Variants in RBMS1 observed in about 807,000 individuals in gnomAD.
The protein encoded by RBMS1 is RNA-binding motif, single-stranded-interacting protein 1.
Under a neutral mutation model 62.3 loss-of-function variants are expected in RBMS1, and 17 were observed. That is an observed-to-expected ratio of 0.27 (90% CI 0.19 to 0.41). The LOEUF (loss-of-function observed/expected upper bound fraction) is 0.41. Ranked by LOEUF, RBMS1 falls within the 10% of genes least tolerant of loss-of-function variation. The probability of loss-of-function intolerance (pLI) is 1.00; values close to 1 mark genes in which losing one functional copy is unlikely to be tolerated. For synonymous variants in RBMS1, 172 were observed against 170.0 expected (o/e 1.01, Z -0.09); for missense variants, 334 against 504.5 (o/e 0.66, Z 3.24).
intron 7 of RBMS1, among the ~76,000 whole-genome samples, chr2:160,286,024 T>C (rs1358202883): frequency 1.3e-5 from 2 of 151,858 alleles, no homozygotes; most frequent in Non-Finnish European, 2.9e-5. Flanking sequence ...GGCAGGAGAA[T>C]GGCATGAACC....
At chr2:160,469,723 T>C (rs890989587) in intron 1 of RBMS1, among the ~76,000 whole-genome samples, 2 of 152,158 alleles carry the variant, frequency 1.3e-5, no homozygotes, top group Non-Finnish European at 2.9e-5. Context: ...TCTGGGGAAG[T>C]ACCCAAAGAG....
At chr2:160,309,302 C>T (rs1277300458) in intron 4 of RBMS1, among the ~76,000 whole-genome samples, 2 of 152,104 alleles carry the variant, frequency 1.3e-5, no homozygotes, top group African/African-American at 2.4e-5. Flanking sequence ...TCAGGGAGCT[C>T]GATCTGTGTC....
chr2:160,283,370 A>C (rs1688200036), intron 9 of RBMS1: 1 of 152,228 alleles, frequency 6.6e-6, no homozygotes, highest in Non-Finnish European at 1.5e-5. Flanking sequence ...CAGTCAAAGA[A>C]AGGATAGGAA....
chr2:160,294,546 T>G (rs1280765281), intron 6 of RBMS1, among the ~76,000 whole-genome samples: 4 of 152,214 alleles, frequency 2.6e-5, no homozygotes, highest in Admixed American at 2.6e-4. Flanking sequence ...AGAGACTTCC[T>G]TAAGAGTGTC....
At chr2:160,472,224 T>C (rs545883714) in intron 1 of RBMS1, among the ~76,000 whole-genome samples, 2 of 152,156 alleles carry the variant, frequency 1.3e-5, no homozygotes, top group African/African-American at 4.8e-5. Flanking sequence ...GTAAACTATT[T>C]CTCAGAATTA....
intron 1 of RBMS1, among the ~76,000 whole-genome samples, chr2:160,485,556 T>C (rs1375787560): frequency 6.6e-6 from 1 of 152,210 alleles, no homozygotes; most frequent in Admixed American, 6.5e-5. Flanking sequence ...ATTTATGAAA[T>C]GAATTTCAAG....
In RBMS1 at chr2:160,438,896, C is replaced by T. The variant is rs867569953; in HGVS notation, c.75+54393G>A. On this transcript the variant is annotated intron_variant, in intron 1 of 13. Transcript: ENST00000348849. The stretch of plus-strand genomic sequence containing the variant: ...GGCTGGCCGGACGGGGGGCTGACTC[C>T]CCCCACCTCCCTCCTGGACGGGGCG... Among the ~76,000 whole-genome samples the T allele has an allele frequency of 2.3e-4, 34 of 150,364 alleles. 2 individuals carry two copies. The Middle Eastern group carries it at 0.025, about 109-fold the overall frequency.
chr2:160,372,976 C>T (rs1693805219), intron 1 of RBMS1, among the ~76,000 whole-genome samples: 1 of 152,090 alleles, frequency 6.6e-6, no homozygotes, highest in Non-Finnish European at 1.5e-5. Context: ...AGGAAATAAT[C>T]AATTAATCCC....
intron 1 of RBMS1, among the ~76,000 whole-genome samples, chr2:160,426,308 AGG>A: frequency 5.2e-5 from 4 of 77,144 alleles, no homozygotes; most frequent in Non-Finnish European, 6.4e-5. Context: ...GAAGGAAGGA[AGG>A]AAGGAAGGAA....
At chr2:160,340,711 C>T (rs1487211606) in intron 2 of RBMS1, among the ~76,000 whole-genome samples, 2 of 152,142 alleles carry the variant, frequency 1.3e-5, no homozygotes, top group Non-Finnish European at 2.9e-5. Flanking sequence ...CTTCCTGAGT[C>T]TAAAGCTAAA....
chr2:160,480,868 C>T (rs1685337693), intron 1 of RBMS1, among the ~76,000 whole-genome samples: 1 of 151,930 alleles, frequency 6.6e-6, no homozygotes, highest in Admixed American at 6.6e-5. Flanking sequence ...CACCTGGGGC[C>T]AGGAGTTCAA....
chr2:160,482,258 C>A (rs530969391), intron 1 of RBMS1, among the ~76,000 whole-genome samples: 1 of 152,112 alleles, frequency 6.6e-6, no homozygotes, highest in African/African-American at 2.4e-5. Context: ...AGAATGGATA[C>A]AACCAACCAA....
chr2:160,399,507 C>T (rs1331780963), intron 1 of RBMS1, among the ~76,000 whole-genome samples: 1 of 138,530 alleles, frequency 7.2e-6, no homozygotes, highest in Non-Finnish European at 1.6e-5. Context: ...CAGTTTACTT[C>T]GCAAAGATTC....
intron 1 of RBMS1, among the ~76,000 whole-genome samples, chr2:160,446,414 T>C (rs377617493): frequency 6.6e-6 from 1 of 152,230 alleles, no homozygotes; most frequent in South Asian, 2.1e-4. Context: ...TCTACCTGTT[T>C]GTTCTAACTC....
intron 2 of RBMS1, among the ~76,000 whole-genome samples, chr2:160,352,815 C>T (rs1006239368): frequency 6.6e-6 from 1 of 152,058 alleles, no homozygotes; most frequent in East Asian, 1.9e-4. Context: ...AAGTGCCTAC[C>T]GCGTTGCATC....
intron 2 of RBMS1, among the ~76,000 whole-genome samples, chr2:160,331,684 T>C (rs996599696): frequency 6.6e-6 from 1 of 152,232 alleles, no homozygotes; most frequent in African/African-American, 2.4e-5. Flanking sequence ...CCTGGTCTTC[T>C]GAGCTCTTTC....
At chr2:160,383,605 A>G (rs1426090322) in intron 1 of RBMS1, among the ~76,000 whole-genome samples, 3 of 152,192 alleles carry the variant, frequency 2.0e-5, no homozygotes, top group Non-Finnish European at 2.9e-5. Context: ...GGTAATTAGC[A>G]TATCTATCAT....
intron 1 of RBMS1, among the ~76,000 whole-genome samples, chr2:160,447,473 C>A (rs1302205409): frequency 3.5e-4 from 54 of 152,150 alleles, no homozygotes; most frequent in Admixed American, 3.2e-3. Context: ...ATTACTAGAA[C>A]TGGTATTTTT....
rs1475091577 is a variant in RBMS1, at chr2:160,435,193, C to T, written c.75+58096G>A. Among the ~76,000 whole-genome samples, 5 of 152,246 alleles carry T rather than the reference C, an allele frequency of 3.3e-5. No homozygotes were observed. The South Asian group carries it at 1.0e-3, about 31-fold the overall frequency. ...TTAACTAAATAACCTACTGGATATA[C>T]ACTCTGTTGAGACCATGAGCCCCTT... On this transcript the variant is annotated intron_variant, in intron 1 of 13. Coordinates refer to ENST00000348849, the MANE Select transcript of RBMS1 (RefSeq NM_016836.4).
Sources: allele counts gnomAD v4.1 joint callset (sites outside exome capture counted in the v4.1 genomes callset), GRCh38; gene constraint gnomAD v4.1.1; transcripts MANE v1.5; gene names NCBI Gene and HGNC (gene_info 2026-07-23, HGNC 2026-07-21).